ITGB7: variants seen among roughly 807,000 people sequenced by gnomAD.
The protein encoded by ITGB7 is integrin subunit beta 7.
ITGB7 carries 55 observed loss-of-function variants against 83.4 expected under a neutral mutation model. The observed-to-expected ratio is 0.66, with a 90% confidence interval of 0.53 to 0.83. The LOEUF (loss-of-function observed/expected upper bound fraction) is 0.83. Among genes scored for constraint, ITGB7 ranks in the 40% least tolerant of loss-of-function variants. The probability of loss-of-function intolerance (pLI) is 0.00; values close to 1 mark genes in which losing one functional copy is unlikely to be tolerated. For synonymous variants in ITGB7, 454 were observed against 423.6 expected, an observed-to-expected ratio of 1.07 and a Z score of -0.88; for missense variants, 921 against 1,046.7, an observed-to-expected ratio of 0.88 and a Z score of 1.66.
intron 5 of ITGB7, chr12:53,197,290 G>A (rs769649517): frequency 1.7e-5 from 11 of 655,876 alleles, no homozygotes; most frequent in African/African-American, 5.4e-5. Context: ...CTGTAAAACG[G>A]ATAGTCTCTT....
chr12:53,194,227 G>T lies in ITGB7; in HGVS notation c.1279C>A (p.Gln427Lys). The change falls in exon 10 of 16, where the codon CAG becomes AAG. Residue 427 changes from glutamine to lysine, a missense_variant. By Grantham distance (53) the Gln-to-Lys change is moderately conservative. Transcript: ENST00000267082. ...KREGKAEDRGQCNHVRINQTV... is the reference protein window; with the variant it reads ...KREGKAEDRGKCNHVRINQTV... The stretch of plus-strand genomic sequence containing the variant: ...TGGTTGATTCGGACGTGGTTGCACT[G>T]TCCTCGATCCTCAGCCTTACCCTCC... 1 of 1,614,024 alleles carries T rather than the reference G, an allele frequency of 6.2e-7. No homozygotes were observed. Among genetic ancestry groups the T allele is most frequent in the Non-Finnish European group, 8.5e-7 (1 of 1,180,002 alleles).
intron 7 of ITGB7, 126 bp from the exon 8 acceptor site, chr12:53,195,847 G>A: frequency 1.0e-6 from 1 of 974,288 alleles, no homozygotes; most frequent in Non-Finnish European, 1.6e-6. Flanking sequence ...GGCTTGCTAT[G>A]GAATAGGAAG....
At chr12:53,206,584 A>G (rs193232898) in intron 1 of ITGB7, 6 of 152,014 alleles carry the variant, frequency 3.9e-5, no homozygotes, top group Non-Finnish European at 7.3e-5. Flanking sequence ...GGTTATTTCC[A>G]TTTTTCTGGA....
rs752342063 is a variant in ITGB7, at chr12:53,200,436, G to A, written c.8C>T (p.Ala3Val). Reference protein sequence around the residue: MVALPMVLVLLLV... With the variant: MVVLPMVLVLLLV... The stretch of plus-strand genomic sequence containing the variant: ...CAGCAAAACAAGGACCATTGGCAAA[G>A]CCACCATGCCCTGTAATAGGATATA... The change falls in exon 3 of 16, where the codon GCT (alanine) becomes GTT (valine). Residue 3 changes from alanine to valine, a missense_variant. Ala to Val is a moderately conservative substitution (Grantham distance 64). Coordinates refer to ENST00000267082, the MANE Select transcript of ITGB7 (RefSeq NM_000889.3). 6 of 1,614,098 alleles carry A rather than the reference G, an allele frequency of 3.7e-6. No individual in the cohort carries two copies. The highest frequency in any genetic ancestry group is 5.1e-6 in the Non-Finnish European group (6 of 1,180,004).
rs777769440 is a variant in ITGB7, at chr12:53,197,741, C to G, written c.403+9G>C. On this transcript the variant is annotated intron_variant, in intron 4 of 15. Coordinates refer to ENST00000267082, the MANE Select transcript of ITGB7 (RefSeq NM_000889.3). The stretch of plus-strand genomic sequence containing the variant: ...GACCTCTGGCCTGGCCCCGCCTCCC[C>G]TAACTCACCAGGCCGCAGCGTGACC... 6.3e-7 allele frequency: 1 copy of G among 1,584,322 alleles called. No homozygotes were observed. Among genetic ancestry groups the G allele is most frequent in the South Asian group, 1.1e-5 (1 of 87,588 alleles).
chr12:53,191,972 T>G lies in ITGB7; in HGVS notation c.2203A>C (p.Ile735Leu). 4.3e-6 allele frequency: 7 copies of G among 1,612,194 alleles called. No homozygotes were observed. The highest frequency in any genetic ancestry group is 5.9e-6 in the Non-Finnish European group (7 of 1,179,922). The change falls in exon 15 of 16, where the codon ATC becomes CTC. Residue 735 changes from isoleucine to leucine, a missense_variant. Transcript: ENST00000267082. ...QAIVLGCVGG[I>L]VAVGLGLVLA... is the part of the protein sequence containing the mutation. ...ACCAGCCCCAGCCCCACTGCCACGA[T>G]GCCCCCTACGCAGCCCAGCACAATG...
intron 6 of ITGB7, 172 bp from the exon 7 acceptor site, chr12:53,196,371 C>T: frequency 1.0e-6 from 1 of 992,078 alleles, no homozygotes; most frequent in Non-Finnish European, 1.5e-6. Flanking sequence ...AAGAAGGCTG[C>T]TGCTAGTGGA....
At chr12:53,191,785 CA>C (rs1310165038) in intron 15 of ITGB7, 73 bp downstream of exon 15, 1 of 1,593,620 alleles carries the variant, frequency 6.3e-7, no homozygotes, top group African/African-American at 1.3e-5. Flanking sequence ...TGGGGGAACC[CA>C]GTGGGAGGAA....
chr12:53,200,888 C>T (rs1942308827), intron 2 of ITGB7, among the ~76,000 whole-genome samples, 184 bp downstream of exon 2: 1 of 151,670 alleles, frequency 6.6e-6, no homozygotes, highest in Non-Finnish European at 1.5e-5. Context: ...GAGATCACAC[C>T]ACTGCACACC....
At position 53,193,197 on chromosome 12, in the gene ITGB7, G is replaced by A. The variant is rs376571398; in HGVS notation, c.1669C>T (p.His557Tyr). 8.7e-6 allele frequency: 14 copies of A among 1,614,000 alleles called. No individual in the cohort carries two copies. The highest frequency in any genetic ancestry group is 1.2e-5 in the Non-Finnish European group (14 of 1,180,008). ...CTGGCATCGTCACACTCGCACAGAT[G>A]CCCAGAGCTCTGTCCACTGCAGCTG... ...RCSCSGQSSG[H>Y]LCECDDASCE... The change falls in exon 12 of 16, where the codon CAT becomes TAT. Residue 557 changes from histidine to tyrosine, a missense_variant. Transcript: ENST00000267082.
At chr12:53,195,484 G>C in intron 8 of ITGB7, 21 bp from the exon 9 acceptor site, 2 of 1,596,868 alleles carry the variant, frequency 1.3e-6, no homozygotes, top group Non-Finnish European at 1.7e-6. Flanking sequence ...GGGAGTTAAG[G>C]GAAATGGTGG....
rs1942217401 is a variant in ITGB7 at position 53,197,809 on chromosome 12, G to T, written c.344C>A (p.Ala115Asp). ...CAGCTGGGTGGCACCCTCTCCGCGGGCGCCCTGGCTGAGCGGCTGGTCCTG... is the reference window on the plus strand; with the variant it reads ...CAGCTGGGTGGCACCCTCTCCGCGGTCGCCCTGGCTGAGCGGCTGGTCCTG... Reference protein sequence around the residue: ...VLQDQPLSQGARGEGATQLAP... With the variant: ...VLQDQPLSQGDRGEGATQLAP... The change falls in exon 4 of 16, where the codon GCC becomes GAC. Residue 115 changes from alanine to aspartate, a missense_variant. Coordinates refer to ENST00000267082, the MANE Select transcript of ITGB7 (RefSeq NM_000889.3). The T allele has an allele frequency of 1.3e-6, 2 of 1,540,612 alleles. No individual in the cohort carries two copies. Among genetic ancestry groups the T allele is most frequent in the Admixed American group, 3.9e-5 (2 of 51,056 alleles).
chr12:53,192,205 T>G, intron 14 of ITGB7, 125 bp downstream of exon 14: 1 of 1,249,370 alleles, frequency 8.0e-7, no homozygotes, highest in Non-Finnish European at 1.1e-6. Flanking sequence ...TGCCTCTGCC[T>G]TTGTCCTGGA....
chr12:53,203,830 C>T (rs1025855078), intron 1 of ITGB7, among the ~76,000 whole-genome samples: 6 of 152,022 alleles, frequency 3.9e-5, no homozygotes, highest in Admixed American at 3.3e-4. Flanking sequence ...TAAAGTGGTA[C>T]AATCTCTGTG....
At chr12:53,191,745 G>A (rs1170316377) in intron 15 of ITGB7, 109 bp from the exon 16 acceptor site, 1 of 1,523,282 alleles carries the variant, frequency 6.6e-7, no homozygotes, top group Admixed American at 1.7e-5. Context: ...ATGGAAGTTA[G>A]CAGAGGGGTT....
Position 53,195,401 on chromosome 12 carries a change from C to T in ITGB7, c.1134G>A (p.Val378=). ...TATAAGCATCCATGATGAGCTGTAC[C>T]ACGTTGCTGGAGTCCTCACTCAGCT... The part of the protein sequence containing the change: ...VGELSEDSSN[V]VQLIMDAYNS... The change falls in exon 9 of 16, where the codon GTG becomes GTA. Residue 378 remains valine (V), a synonymous_variant. Coordinates refer to ENST00000267082, the MANE Select transcript of ITGB7 (RefSeq NM_000889.3). 1.2e-6 allele frequency: 2 copies of T among 1,613,502 alleles called. No individual in the cohort carries two copies. Among genetic ancestry groups the T allele is most frequent in the South Asian group, 1.1e-5 (1 of 91,048 alleles).
chr12:53,192,857 T>A lies in ITGB7; in HGVS notation c.1780A>T (p.Arg594Ter). ...VCHCHANRTG[R>*]ACECSGDMDS... Reference sequence around the variant, plus strand: ...ATGTCCCCACTGCATTCGCATGCTCTGCCCGTGCGGTTGGCATGACAGTGA... The same window carrying A: ...ATGTCCCCACTGCATTCGCATGCTCAGCCCGTGCGGTTGGCATGACAGTGA... The change falls in exon 13 of 16, where the codon AGA becomes TGA. Residue 594 changes from arginine to a stop codon, truncating the protein, a stop_gained. Coordinates refer to ENST00000267082, the MANE Select transcript of ITGB7 (RefSeq NM_000889.3). LOFTEE classifies it high-confidence loss of function. The A allele has an allele frequency of 6.2e-7, 1 of 1,614,228 alleles. No homozygotes were observed. The highest frequency in any genetic ancestry group is 8.5e-7 in the Non-Finnish European group (1 of 1,180,046).
At chr12:53,192,967 C>A in intron 12 of ITGB7, 57 bp from the exon 13 acceptor site, 5 of 1,550,416 alleles carry the variant, frequency 3.2e-6, no homozygotes, top group African/African-American at 1.4e-5. Context: ...AGTTGGCCAT[C>A]ATGTGGCACG....
intron 9 of ITGB7, chr12:53,195,140 T>C: frequency 1.8e-6 from 1 of 548,122 alleles, no homozygotes; most frequent in Non-Finnish European, 3.3e-6. Flanking sequence ...GATTGAAACT[T>C]TCCTTTCTTG....
Sources: allele counts gnomAD v4.1 joint callset (sites outside exome capture counted in the v4.1 genomes callset), GRCh38; gene constraint gnomAD v4.1.1; transcripts MANE v1.5; gene names NCBI Gene and HGNC (gene_info 2026-07-23, HGNC 2026-07-21).